Variants in CERS4 observed in about 807,000 individuals in gnomAD.
The protein encoded by CERS4 is ceramide synthase 4.
Under a neutral mutation model 51.8 loss-of-function variants are expected in CERS4, and 65 were observed. The ratio of observed to expected loss-of-function variants is 1.26; its 90% CI spans 1.03 to 1.54. CERS4 has a LOEUF of 1.54. Ranked by LOEUF, CERS4 falls within the 40% of genes most tolerant of loss-of-function variation. CERS4 has a pLI of 0.00. For missense variants in CERS4, 563 were observed against 500.4 expected (o/e 1.13, Z -1.19); for synonymous variants, 228 against 208.4 (o/e 1.09, Z -0.81).
At chr19:8,253,179 G>A (rs2145303134) in intron 3 of CERS4, among the ~76,000 whole-genome samples, 1 of 152,370 alleles carries the variant, frequency 6.6e-6, no homozygotes, top group African/African-American at 2.4e-5. Flanking sequence ...GCGCCCTCTT[G>A]TGGGCAACGT....
At chr19:8,211,130 T>G in intron 2 of CERS4, among the ~76,000 whole-genome samples, 1 of 152,016 alleles carries the variant, frequency 6.6e-6, no homozygotes, top group East Asian at 1.9e-4. Context: ...TCTGAGAAAT[T>G]CACAACAGTG....
At chr19:8,214,792 C>T (rs1967221940) in intron 2 of CERS4, among the ~76,000 whole-genome samples, 2 of 151,956 alleles carry the variant, frequency 1.3e-5, no homozygotes, top group Admixed American at 6.6e-5. Context: ...CAAGACTTCT[C>T]CTCCTCCCCT....
At chr19:8,223,138 A>G (rs1293904411) in intron 2 of CERS4, among the ~76,000 whole-genome samples, 1 of 151,170 alleles carries the variant, frequency 6.6e-6, no homozygotes, top group African/African-American at 2.4e-5. Flanking sequence ...GTTTGAGACC[A>G]GCCTGGGCAA....
At chr19:8,241,652 T>C in intron 2 of CERS4, among the ~76,000 whole-genome samples, 1 of 152,054 alleles carries the variant, frequency 6.6e-6, no homozygotes, top group East Asian at 1.9e-4. Context: ...AACCACTCCA[T>C]GTGGAAGAGG....
rs774312444 is a variant in CERS4, at chr19:8,256,980, T to C, written c.644T>C (p.Val215Ala). 1.2e-6 allele frequency: 2 copies of C among 1,614,158 alleles called. No homozygotes were observed. Among genetic ancestry groups the C allele is most frequent in the Middle Eastern group, 1.6e-4 (1 of 6,062 alleles). The change falls in exon 9 of 12, where the codon GTG becomes GCG. Residue 215 changes from valine to alanine, a missense_variant. Coordinates refer to ENST00000251363, the MANE Select transcript of CERS4 (RefSeq NM_024552.3). ...AAGGAGCAGGTGATACACCACTTCG[T>C]GGCGGTCATCCTGATGACCTTCTCC... ...DFKEQVIHHF[V>A]AVILMTFSYS... is the part of the protein sequence containing the mutation.
chr19:8,232,287 TC>T (rs1428994579), intron 2 of CERS4, among the ~76,000 whole-genome samples: 1 of 152,012 alleles, frequency 6.6e-6, no homozygotes, highest in African/African-American at 2.4e-5. Context: ...GAATTTTATT[TC>T]TTTTTTCTTT....
Position 8,261,730 on chromosome 19 carries a change from C to T in CERS4, c.891C>T (p.Gly297=). ...ACTACGAGTCCATCAGCAACAGGGG[C>T]CCCTTCTTCGGCTACTACTTCTTCA... ...TTYYESISNR[G]PFFGYYFFNG... is the part of the protein sequence containing the mutation. Residue 297 remains glycine (G), a synonymous_variant, in exon 11 of 12, where the codon GGC becomes GGT. Coordinates refer to ENST00000251363, the MANE Select transcript of CERS4 (RefSeq NM_024552.3). The T allele has an allele frequency of 1.9e-6, 3 of 1,614,092 alleles. No homozygotes were observed. The highest frequency in any genetic ancestry group is 2.5e-6 in the Non-Finnish European group (3 of 1,179,964).
chr19:8,251,362 C>A, intron 3 of CERS4, 113 bp downstream of exon 3: 1 of 1,440,778 alleles, frequency 6.9e-7, no homozygotes, highest in Admixed American at 2.8e-5. Flanking sequence ...TGGCTTTGCA[C>A]CAAAGCGCGT....
Position 8,262,369 on chromosome 19 carries a change from G to A in CERS4, c.*260G>A, listed in dbSNP as rs555356188. The A allele has an allele frequency of 7.7e-6, 3 of 390,910 alleles. No homozygotes were observed. The highest frequency in any genetic ancestry group is 1.4e-5 in the Non-Finnish European group (3 of 221,960). The allele number at this position is 390,910 out of a possible 1,614,324, so 24.2% of individuals were successfully genotyped here. On this transcript the variant is annotated 3_prime_UTR_variant, in exon 12 of 12. Coordinates refer to ENST00000251363, the MANE Select transcript of CERS4 (RefSeq NM_024552.3). ...GACACCTCCAGGCTGTGGCCTGGGGGCTGGGGGGAGCCCCAGGCTGAAAAG... is the reference window on the plus strand; with the variant it reads ...GACACCTCCAGGCTGTGGCCTGGGGACTGGGGGGAGCCCCAGGCTGAAAAG...
intron 2 of CERS4, among the ~76,000 whole-genome samples, chr19:8,237,828 G>A (rs527888955): frequency 3.3e-5 from 5 of 152,288 alleles, no homozygotes; most frequent in African/African-American, 1.2e-4. Context: ...ACCAGCCTGG[G>A]CGACAGAGCG....
At chr19:8,240,840 A>G (rs1284202654) in intron 2 of CERS4, among the ~76,000 whole-genome samples, 3 of 151,944 alleles carry the variant, frequency 2.0e-5, no homozygotes, top group Admixed American at 6.6e-5. Flanking sequence ...TCCTCTACTC[A>G]TGCCCCCTAA....
rs922442 is a variant in CERS4 at position 8,209,370 on chromosome 19, A to G, written c.-283A>G. The G allele has an allele frequency of 0.56, 81,995 of 146,944 alleles. 23,162 individuals carry two copies. The highest frequency in any genetic ancestry group is 0.71 in the African/African-American group (28,959 of 40,782). 9.1% of individuals were successfully genotyped at this position (146,944 alleles called of 1,614,324 possible). On this transcript the variant is annotated 5_prime_UTR_variant, in exon 1 of 12. Coordinates refer to ENST00000251363, the MANE Select transcript of CERS4 (RefSeq NM_024552.3). ...CCCTGCTGGGGGCCGAGGCCCGGCC[A>G]GGAGCAGAGTCCGGCTGCCTGGGGC...
intron 2 of CERS4, among the ~76,000 whole-genome samples, chr19:8,229,052 G>A (rs1038577624): frequency 6.7e-6 from 1 of 150,118 alleles, no homozygotes; most frequent in African/African-American, 2.5e-5. Flanking sequence ...AATGCCAGGT[G>A]TGGTGGCTCA....
chr19:8,258,456 C>T (rs1969512339), intron 10 of CERS4, among the ~76,000 whole-genome samples: 1 of 152,156 alleles, frequency 6.6e-6, no homozygotes, highest in Admixed American at 6.6e-5. Flanking sequence ...TGCCTGTAAT[C>T]CCAGCACTTT....
rs901303555 is a variant in CERS4 at position 8,210,513 on chromosome 19, A to G, written c.-158-193A>G. Among the ~76,000 whole-genome samples, 3 of 151,350 alleles carry G rather than the reference A, an allele frequency of 2.0e-5. No individual in the cohort carries two copies. Among genetic ancestry groups the G allele is most frequent in the Non-Finnish European group, 4.4e-5 (3 of 67,820 alleles). On this transcript the variant is annotated intron_variant, in intron 1 of 11. Coordinates refer to ENST00000251363, the MANE Select transcript of CERS4 (RefSeq NM_024552.3). The surrounding 1 kb of genome is among the most constrained non-coding windows in gnomAD (Gnocchi z 4.2). ...GGGAGAGGCTGTTGTGGTTTGCAAA[A>G]CCTACCAGATGGGGGAATGCTCCCA...
chr19:8,241,027 G>C (rs1968517119), intron 2 of CERS4, among the ~76,000 whole-genome samples: 1 of 152,164 alleles, frequency 6.6e-6, no homozygotes, highest in Non-Finnish European at 1.5e-5. Flanking sequence ...GGTGAGGGGA[G>C]AAGAGGCTGG....
intron 2 of CERS4, among the ~76,000 whole-genome samples, chr19:8,225,554 G>A (rs1967752580): frequency 6.6e-6 from 1 of 151,604 alleles, no homozygotes; most frequent in Admixed American, 6.6e-5. Context: ...CTCTCGAGTG[G>A]CTGGGATTAC....
At chr19:8,242,637 CAGAG>C (rs548924789) in intron 2 of CERS4, among the ~76,000 whole-genome samples, 2 of 152,160 alleles carry the variant, frequency 1.3e-5, no homozygotes, top group Admixed American at 1.3e-4. Context: ...GTTTGCCAAA[CAGAG>C]AAAGAAAGCG....
At chr19:8,247,870 G>C (rs1968860164) in intron 2 of CERS4, among the ~76,000 whole-genome samples, 1 of 151,598 alleles carries the variant, frequency 6.6e-6, no homozygotes, top group Non-Finnish European at 1.5e-5. Context: ...AGTAGCTGGG[G>C]TTACAGGCAC....
Sources: gnomAD v4.1 joint callset for allele counts (sites outside exome capture counted in the v4.1 genomes callset) on GRCh38, gnomAD v4.1.1 for gene constraint, Gnocchi (gnomAD v3.1) non-coding constraint, MANE v1.5 for transcripts, NCBI Gene and HGNC (gene_info 2026-07-23, HGNC 2026-07-21) for gene names.